The following GRIA4 variants were observed in gnomAD, a reference collection of about 807,000 sequenced individuals.
GRIA4 encodes glutamate receptor 4.
In GRIA4, 34 loss-of-function variants were observed where a neutral mutation model predicts 104.0. The ratio of observed to expected loss-of-function variants is 0.33; its 90% CI spans 0.25 to 0.44. GRIA4 has a LOEUF of 0.44. Among genes scored for constraint, GRIA4 ranks in the 20% least tolerant of loss-of-function variants. The probability of loss-of-function intolerance (pLI) is 1.00; values close to 1 mark genes in which losing one functional copy is unlikely to be tolerated. For synonymous variants in GRIA4, 386 were observed against 381.9 expected (o/e 1.01, Z -0.13); for missense variants, 750 against 1,096.5 (o/e 0.68, Z 4.46).
At chr11:105,953,107 C>A (rs1948495672) in intron 14 of GRIA4, among the ~76,000 whole-genome samples, 1 of 152,172 alleles carries the variant, frequency 6.6e-6, no homozygotes, top group Admixed American at 6.5e-5. Context: ...AAATTGAAAA[C>A]TTAGTGGAGC....
chr11:105,678,941 A>G (rs939238684), intron 3 of GRIA4, among the ~76,000 whole-genome samples: 7 of 152,172 alleles, frequency 4.6e-5, no homozygotes, highest in Non-Finnish European at 8.8e-5. Flanking sequence ...ACTGAATCAG[A>G]ATGCCCTAAA....
chr11:105,751,757 A>G (rs529903997), intron 3 of GRIA4, among the ~76,000 whole-genome samples: 142 of 152,350 alleles, frequency 9.3e-4, no homozygotes, highest in African/African-American at 3.1e-3. Flanking sequence ...ATAAATGCAC[A>G]TAGAAAACTG....
intron 4 of GRIA4, among the ~76,000 whole-genome samples, chr11:105,791,682 CAAAAGG>C (rs1942219863): frequency 6.6e-6 from 1 of 151,998 alleles, no homozygotes; most frequent in Non-Finnish European, 1.5e-5. Context: ...TTCAACTGTT[CAAAAGG>C]AATGACCTAG....
At position 105,980,026 on chromosome 11, in the gene GRIA4, A is replaced by C; in HGVS notation, c.*287A>C. 1 of 291,374 alleles carries C rather than the reference A, an allele frequency of 3.4e-6. No homozygotes were observed. 18.0% of individuals were successfully genotyped at this position (291,374 alleles called of 1,614,324 possible). ...GGGTGTATTAACAGCAACAAATTTCATTCGAGTGGACTCAAAAACTAATCA... is the reference window on the plus strand; with the variant it reads ...GGGTGTATTAACAGCAACAAATTTCCTTCGAGTGGACTCAAAAACTAATCA... On this transcript the variant is annotated 3_prime_UTR_variant, in exon 17 of 17. Transcript: ENST00000282499.
At chr11:105,664,327 C>G (rs1214755982) in intron 3 of GRIA4, among the ~76,000 whole-genome samples, 1 of 149,872 alleles carries the variant, frequency 6.7e-6, no homozygotes, top group African/African-American at 2.5e-5. Context: ...AGTTTGAGAA[C>G]AGAAAGAAAA....
chr11:105,913,403 C>T (rs1947312371), intron 10 of GRIA4: 2 of 449,790 alleles, frequency 4.4e-6, no homozygotes, highest in African/African-American at 4.3e-5. Flanking sequence ...ACTGAATATA[C>T]CACAGCAAAA....
chr11:105,837,770 A>T (rs1461843949), intron 4 of GRIA4, among the ~76,000 whole-genome samples: 1 of 152,108 alleles, frequency 6.6e-6, no homozygotes, highest in Non-Finnish European at 1.5e-5. Flanking sequence ...TATTATATTT[A>T]TTGTTTTTAT....
At chr11:105,746,614 A>G (rs1441853700) in intron 3 of GRIA4, among the ~76,000 whole-genome samples, 1 of 152,176 alleles carries the variant, frequency 6.6e-6, no homozygotes, top group African/African-American at 2.4e-5. Flanking sequence ...AGACCACAGC[A>G]TCTTACAAAC....
intron 4 of GRIA4, among the ~76,000 whole-genome samples, chr11:105,764,429 G>A (rs2135724900): frequency 1.3e-5 from 2 of 152,176 alleles, no homozygotes; most frequent in South Asian, 4.1e-4. Flanking sequence ...TTTGTTATTT[G>A]AATCATTTTA....
intron 4 of GRIA4, among the ~76,000 whole-genome samples, chr11:105,853,842 C>T (rs1944909941): frequency 6.6e-6 from 1 of 152,164 alleles, no homozygotes; most frequent in South Asian, 2.1e-4. Flanking sequence ...GTATTAATTT[C>T]AGTAGTCTCC....
rs918907443 is a variant in GRIA4, at chr11:105,981,590, C to CACACACACACACACA, written c.*1852_*1853insCACACACACACACAA. On this transcript the variant is annotated 3_prime_UTR_variant, in exon 17 of 17. Coordinates refer to ENST00000282499, the MANE Select transcript of GRIA4 (RefSeq NM_000829.4). ...ACACACACACACACACACACACACA[C>CACACACACACACACA]AAGTCCCTCAGGAAAAATTCCAAGC... is the stretch of plus-strand genomic sequence containing the variant. 1 of 153,780 alleles carries CACACACACACACACA rather than the reference C, an allele frequency of 6.5e-6. No homozygotes were observed. Among genetic ancestry groups the CACACACACACACACA allele is most frequent in the African/African-American group, 2.4e-5 (1 of 41,140 alleles). The allele number at this position is 153,780 out of a possible 1,614,324, so 9.5% of individuals were successfully genotyped here. A position where few individuals can be genotyped will look rare whatever the true frequency, so the allele number is the denominator to read the frequency against.
chr11:105,768,522 A>C (rs1941058583), intron 4 of GRIA4, among the ~76,000 whole-genome samples: 1 of 152,148 alleles, frequency 6.6e-6, no homozygotes, highest in African/African-American at 2.4e-5. Flanking sequence ...ACGTAAAAAA[A>C]ATCTTTCAAA....
intron 4 of GRIA4, among the ~76,000 whole-genome samples, chr11:105,844,479 G>C (rs1483638705): frequency 6.6e-6 from 1 of 152,140 alleles, no homozygotes; most frequent in African/African-American, 2.4e-5. Context: ...TGCCCTTGCA[G>C]GGAATAAAAT....
At chr11:105,694,704 C>T (rs906583205) in intron 3 of GRIA4, among the ~76,000 whole-genome samples, 1 of 151,930 alleles carries the variant, frequency 6.6e-6, no homozygotes, top group Non-Finnish European at 1.5e-5. Flanking sequence ...CATATATTTA[C>T]GTGGTTCCAA....
At chr11:105,937,942 G>A (rs1166401941) in intron 14 of GRIA4, among the ~76,000 whole-genome samples, 2 of 152,124 alleles carry the variant, frequency 1.3e-5, no homozygotes, top group African/African-American at 2.4e-5. Context: ...GGTTACAACA[G>A]GCAACTCAGA....
intron 3 of GRIA4, among the ~76,000 whole-genome samples, chr11:105,733,738 G>T (rs1938750537): frequency 6.6e-6 from 1 of 152,074 alleles, no homozygotes; most frequent in Admixed American, 6.6e-5. Context: ...ACAGGAGTGA[G>T]CCACCATGCC....
At position 105,867,305 on chromosome 11, in the gene GRIA4, G is replaced by A. The variant is rs973831497; in HGVS notation, c.672+5097G>A. On this transcript the variant is annotated intron_variant, in intron 5 of 16. Coordinates refer to ENST00000282499, the MANE Select transcript of GRIA4 (RefSeq NM_000829.4). Reference sequence around the variant, plus strand: ...GCCATTTGCACATAAGAGATGAAATGTGGACATGATCCCAGTTAACTTATT... The same window carrying A: ...GCCATTTGCACATAAGAGATGAAATATGGACATGATCCCAGTTAACTTATT... Among the ~76,000 whole-genome samples the A allele has an allele frequency of 1.3e-4, 20 of 152,288 alleles. 1 individual carries two copies. The highest frequency in any genetic ancestry group is 3.4e-4 in the African/African-American group (14 of 41,568).
At chr11:105,909,432 A>G (rs1009230159) in intron 9 of GRIA4, among the ~76,000 whole-genome samples, 3 of 152,306 alleles carry the variant, frequency 2.0e-5, no homozygotes, top group African/African-American at 4.8e-5. Flanking sequence ...AGAAGGTCGC[A>G]TAGCATAATA....
At chr11:105,803,104 T>C (rs1212442075) in intron 4 of GRIA4, among the ~76,000 whole-genome samples, 1 of 152,030 alleles carries the variant, frequency 6.6e-6, no homozygotes, top group Non-Finnish European at 1.5e-5. Context: ...TTTATTACAT[T>C]AATATCTCCG....
Sources: gnomAD v4.1 joint callset for allele counts (sites outside exome capture counted in the v4.1 genomes callset) on GRCh38, gnomAD v4.1.1 for gene constraint, MANE v1.5 for transcripts, NCBI Gene and HGNC (gene_info 2026-07-23, HGNC 2026-07-21) for gene names.